GLIS3: variants seen among roughly 807,000 people sequenced by gnomAD.
The protein encoded by GLIS3 is GLIS family zinc finger 3.
A neutral mutation model predicts 78.6 loss-of-function variants in GLIS3; 53 were observed. That is an observed-to-expected ratio of 0.67 (90% confidence interval 0.54 to 0.85). The LOEUF (loss-of-function observed/expected upper bound fraction) is 0.85, where lower values mean the gene tolerates loss of function less well. Among genes scored for constraint, GLIS3 ranks in the 40% least tolerant of loss-of-function variants. The probability of loss-of-function intolerance (pLI) is 0.00; values close to 1 mark genes in which losing one functional copy is unlikely to be tolerated. For missense variants in GLIS3, 1,703 were observed against 1,231.1 expected (o/e 1.38, Z -5.74); for synonymous variants, 684 against 509.9 (o/e 1.34, Z -4.60).
chr9:3,872,216 G>A (rs1256191183), intron 8 of GLIS3, among the ~76,000 whole-genome samples: 1 of 152,176 alleles, frequency 6.6e-6, no homozygotes, highest in Non-Finnish European at 1.5e-5. Context: ...TTTGGGCAAA[G>A]CCATTCAACA....
At chr9:4,374,994 A>AC in the GLIS3 span, among the ~76,000 whole-genome samples, 37 of 82,086 alleles carry the variant, frequency 4.5e-4, no homozygotes, top group African/African-American at 1.1e-3. Context: ...TGATTATTTC[A>AC]ACCCCCCTAC....
chr9:4,488,114 T>TGGTC, the GLIS3 span, among the ~76,000 whole-genome samples: 1 of 151,310 alleles, frequency 6.6e-6, no homozygotes, highest in East Asian at 1.9e-4. Flanking sequence ...GTTTGTTGGT[T>TGGTC]GGTTGGTCGG....
chr9:3,965,979 T>C (rs932013843), intron 4 of GLIS3, among the ~76,000 whole-genome samples: 1 of 152,246 alleles, frequency 6.6e-6, no homozygotes, highest in African/African-American at 2.4e-5. Flanking sequence ...CAGTGTCACC[T>C]GAAGCTTAGC....
chr9:4,450,296 G>GA, the GLIS3 span, among the ~76,000 whole-genome samples: 1 of 152,078 alleles, frequency 6.6e-6, no homozygotes, highest in South Asian at 2.1e-4. Context: ...GAAGTTTAGA[G>GA]AAAAAAGAGT....
At chr9:4,478,265 A>G in the GLIS3 span, among the ~76,000 whole-genome samples, 4 of 152,208 alleles carry the variant, frequency 2.6e-5, no homozygotes, top group Non-Finnish European at 5.9e-5. Context: ...ATTGGAACAC[A>G]TAAATCTATC....
In GLIS3 at chr9:3,825,011, A is replaced by T. The variant is rs944038863; in HGVS notation, c.*3261T>A. The T allele has an allele frequency of 6.6e-6, 1 of 152,140 alleles. No individual in the cohort carries two copies. The highest frequency in any genetic ancestry group is 6.5e-5 in the Admixed American group (1 of 15,280). 9.4% of individuals were successfully genotyped at this position (152,140 alleles called of 1,614,324 possible). ...GCTTCCATAAAATGACATGGCCAAG[A>T]CAGTCAAATAAAATACCAAATAATT... On this transcript the variant is annotated 3_prime_UTR_variant, in exon 11 of 11. Transcript: ENST00000381971.
intron 2 of GLIS3, among the ~76,000 whole-genome samples, chr9:4,345,094 A>C (rs1168108929): frequency 6.6e-6 from 1 of 152,134 alleles, no homozygotes; most frequent in African/African-American, 2.4e-5. Flanking sequence ...TCCTCTATTC[A>C]AGTCTCCGCA....
At chr9:4,302,887 A>G (rs932157313), upstream of GLIS3, among the ~76,000 whole-genome samples, 3 of 152,176 alleles carry the variant, frequency 2.0e-5, no homozygotes, top group African/African-American at 7.2e-5. Flanking sequence ...TGGCTGTTTG[A>G]GCTGGACTTC....
At chr9:4,071,867 A>G (rs552254674) in intron 4 of GLIS3, 1 of 152,374 alleles carries the variant, frequency 6.6e-6, no homozygotes, top group Admixed American at 6.5e-5. Flanking sequence ...GAGAATTTCA[A>G]GAGAGCCACA....
intron 4 of GLIS3, among the ~76,000 whole-genome samples, chr9:4,062,459 T>C (rs907289908): frequency 2.0e-5 from 3 of 152,184 alleles, no homozygotes; most frequent in East Asian, 1.9e-4. Flanking sequence ...ATAGAATGAA[T>C]ACTGGGTTTA....
At chr9:4,122,578 C>A (rs1360801107) in intron 3 of GLIS3, among the ~76,000 whole-genome samples, 2 of 152,150 alleles carry the variant, frequency 1.3e-5, no homozygotes, top group African/African-American at 4.8e-5. Flanking sequence ...AACTTTGTCA[C>A]TGACAAGCTA....
At chr9:3,895,143 G>A (rs908015391) in intron 7 of GLIS3, among the ~76,000 whole-genome samples, 2 of 152,158 alleles carry the variant, frequency 1.3e-5, no homozygotes, top group African/African-American at 2.4e-5. Flanking sequence ...CACCAAATAT[G>A]GGCTTCTATA....
At chr9:4,059,829 T>TGTGTGTGTGTGTGTGTGTGTGTGA in intron 4 of GLIS3, among the ~76,000 whole-genome samples, 1,157 of 100,576 alleles carry the variant, frequency 0.012, 20 homozygotes, top group Middle Eastern at 0.019. Flanking sequence ...TGTGTGTGTG[T>TGTGTGTGTGTGTGTGTGTGTGTGA]GAGAGAGAGA....
rs1251010108 is a variant in GLIS3 at position 3,898,818 on chromosome 9, C to T, written c.2001G>A (p.Glu667=). 1 of 1,614,162 alleles carries T rather than the reference C, an allele frequency of 6.2e-7. No homozygotes were observed. The highest frequency in any genetic ancestry group is 1.3e-5 in the African/African-American group (1 of 75,040). Residue 667 remains glutamate (E), a synonymous_variant, in exon 7 of 11, where the codon GAG becomes GAA. Coordinates refer to ENST00000381971, the MANE Select transcript of GLIS3 (RefSeq NM_001042413.2). ...AATCTGTGAGCAGGTCTGGATGGAG[C>T]TCTGTGCTGGACCGCAACTAAGAGG... ...QARKKLRSST[E]LHPDLLTDCL...
At chr9:4,444,836 T>A in the GLIS3 span, among the ~76,000 whole-genome samples, 45 of 152,208 alleles carry the variant, frequency 3.0e-4, no homozygotes, top group Admixed American at 2.9e-3. Flanking sequence ...AAAGATTTCA[T>A]GCTTGGATAA....
chr9:4,291,888 T>C (rs757952079), intron 1 of GLIS3, among the ~76,000 whole-genome samples: 35 of 152,182 alleles, frequency 2.3e-4, no homozygotes, highest in Admixed American at 1.3e-4. Context: ...CTACTTTCAC[T>C]AGTAATTATT....
chr9:4,410,058 C>A, the GLIS3 span, among the ~76,000 whole-genome samples: 12 of 152,174 alleles, frequency 7.9e-5, no homozygotes, highest in East Asian at 2.3e-3. Flanking sequence ...GCAAACTCTG[C>A]CTCCCAGATT....
At chr9:4,451,334 C>G in the GLIS3 span, among the ~76,000 whole-genome samples, 1 of 152,152 alleles carries the variant, frequency 6.6e-6, no homozygotes, top group Non-Finnish European at 1.5e-5. Context: ...TGCAGGAGCA[C>G]CCAGATTCAT....
At chr9:4,331,130 GCTGTAAGT>G (rs74310858) in intron 2 of GLIS3, among the ~76,000 whole-genome samples, 94,787 of 151,392 alleles carry the variant, frequency 0.63, 33,133 homozygotes, top group Non-Finnish European at 0.8. Flanking sequence ...AGTTCTAGAA[GCTGTAAGT>G]CTCAAGTTGT....
Sources: allele counts gnomAD v4.1 joint callset (sites outside exome capture counted in the v4.1 genomes callset), GRCh38; gene constraint gnomAD v4.1.1; transcripts MANE v1.5; gene names NCBI Gene and HGNC (gene_info 2026-07-23, HGNC 2026-07-21).